BMP5: variants seen among roughly 807,000 people sequenced by gnomAD.
The protein encoded by BMP5 is bone morphogenetic protein 5.
In BMP5, 23 loss-of-function variants were observed where a neutral mutation model predicts 46.6. The observed-to-expected ratio is 0.49, with a 90% confidence interval of 0.35 to 0.70. The LOEUF is 0.70. Among genes scored for constraint, BMP5 ranks in the 30% least tolerant of loss-of-function variants. The pLI, the probability that BMP5 is intolerant of heterozygous loss-of-function variation, is 0.00. For missense variants in BMP5, 545 were observed against 565.6 expected, an observed-to-expected ratio of 0.96 and a Z score of 0.37; for synonymous variants, 204 against 191.9, an observed-to-expected ratio of 1.06 and a Z score of -0.52.
chr6:55,779,558 G>C (rs991610286), intron 3 of BMP5, among the ~76,000 whole-genome samples: 1 of 151,838 alleles, frequency 6.6e-6, no homozygotes, highest in South Asian at 2.1e-4. Context: ...CATTTAAAAC[G>C]TACAGAATTC....
At chr6:55,811,610 G>A (rs1007816933) in intron 2 of BMP5, among the ~76,000 whole-genome samples, 13 of 151,660 alleles carry the variant, frequency 8.6e-5, no homozygotes, top group Non-Finnish European at 1.6e-4. Flanking sequence ...TAGTGCTTAG[G>A]AACATTTCTT....
intron 1 of BMP5, among the ~76,000 whole-genome samples, chr6:55,836,047 T>C (rs1027442782): frequency 6.6e-6 from 1 of 152,170 alleles, no homozygotes; most frequent in Non-Finnish European, 1.5e-5. Context: ...TTTATTTAAA[T>C]GTAGGCTACC....
rs75279389 is a variant in BMP5 at position 55,836,886 on chromosome 6, A to G, written c.491-17039T>C. Among the ~76,000 whole-genome samples the G allele has an allele frequency of 9.0e-3, 1,375 of 152,306 alleles. 24 individuals are homozygous for G. Among genetic ancestry groups the G allele is most frequent in the African/African-American group, 0.032 (1,317 of 41,574 alleles). On this transcript the variant is annotated intron_variant, in intron 1 of 6. Coordinates refer to ENST00000370830, the MANE Select transcript of BMP5 (RefSeq NM_021073.4). ...TAAAACGCTTCTTAAAGTTAACTAC[A>G]GGGATATAAAAATTTTAAATCAGGC...
Position 55,874,832 on chromosome 6 carries a change from C to T in BMP5, c.34G>A (p.Val12Met). ...HLTVFLLKGI[V>M]GFLWSCWVLV... ...ACCCAGCAGCTCCAGAGGAAACCCA[C>T]AATACCCTTAAGTAAAAATACAGTC... Residue 12 changes from valine to methionine, a missense_variant, in exon 1 of 7, where the codon GTG (valine) becomes ATG (methionine). Transcript: ENST00000370830. The T allele has an allele frequency of 6.2e-7, 1 of 1,612,878 alleles. No homozygotes were observed. Among genetic ancestry groups the T allele is most frequent in the Non-Finnish European group, 8.5e-7 (1 of 1,179,470 alleles).
chr6:55,759,034 C>T lies in BMP5; in HGVS notation c.1186G>A (p.Ala396Thr), dbSNP rs753026421. The change falls in exon 6 of 7, where the codon GCC becomes ACC. Residue 396 changes from alanine (A) to threonine (T), a missense_variant. By Grantham distance (58) the Ala-to-Thr change is moderately conservative. Coordinates refer to ENST00000370830, the MANE Select transcript of BMP5 (RefSeq NM_021073.4). ...GTCTGAACTATAGCGTGGTTGGTGGCATTCATATGGGCGTTAAGTGGAAAA... is the reference window on the plus strand; with the variant it reads ...GTCTGAACTATAGCGTGGTTGGTGGTATTCATATGGGCGTTAAGTGGAAAA... ...CSFPLNAHMN[A>T]TNHAIVQTLV... The T allele has an allele frequency of 3.7e-6, 6 of 1,608,504 alleles. No individual in the cohort carries two copies. The Admixed American group carries it at 1.0e-4, about 27-fold the overall frequency.
chr6:55,832,309 C>T lies in BMP5; in HGVS notation c.491-12462G>A, dbSNP rs1776685438. Among the ~76,000 whole-genome samples the T allele has an allele frequency of 1.3e-5, 2 of 152,186 alleles. 1 individual carries two copies. The highest frequency in any genetic ancestry group is 4.1e-4 in the South Asian group (2 of 4,834). On this transcript the variant is annotated intron_variant, in intron 1 of 6. Transcript: ENST00000370830. ...ACAATGAGCCTGCAAACTGAGATTGCAGAAAAGCTCACCTCCCCTCACCAT... is the reference window on the plus strand; with the variant it reads ...ACAATGAGCCTGCAAACTGAGATTGTAGAAAAGCTCACCTCCCCTCACCAT...
At chr6:55,767,916 A>G (rs1774953916) in intron 4 of BMP5, among the ~76,000 whole-genome samples, 1 of 152,016 alleles carries the variant, frequency 6.6e-6, no homozygotes, top group African/African-American at 2.4e-5. Context: ...AAAACCTGTA[A>G]AATATATAAT....
chr6:55,795,572 T>G (rs1009003640), intron 2 of BMP5, among the ~76,000 whole-genome samples: 1 of 152,054 alleles, frequency 6.6e-6, no homozygotes, highest in Non-Finnish European at 1.5e-5. Flanking sequence ...TTTTAATAAA[T>G]CATACTTTTT....
rs899570967 is a variant in BMP5, at chr6:55,868,929, A to G, written c.490+5447T>C. On this transcript the variant is annotated intron_variant, in intron 1 of 6. Transcript: ENST00000370830. ...TTTTAAGAGATGAGCAAATGGGGAA[A>G]CCCCACGGCCCAGCCAATAAAATAT... Among the ~76,000 whole-genome samples the G allele has an allele frequency of 9.2e-5, 14 of 152,150 alleles. No homozygotes were observed. The East Asian group carries it at 2.7e-3, about 29-fold the overall frequency.
intron 4 of BMP5, among the ~76,000 whole-genome samples, chr6:55,760,762 G>C (rs1412355442): frequency 1.3e-5 from 2 of 151,930 alleles, no homozygotes; most frequent in Non-Finnish European, 2.9e-5. Flanking sequence ...ACCTGATGAA[G>C]CTCTAACATG....
rs10485074 is a variant in BMP5 at position 55,794,797 on chromosome 6, T to C, written c.684-370A>G. ...ACTGAATAGAGTCAAATGAAAGTAG[T>C]TGTTCCAGTTTGGATGAATGTGAAT... is the stretch of plus-strand genomic sequence containing the variant. On this transcript the variant is annotated intron_variant, in intron 2 of 6. Coordinates refer to ENST00000370830, the MANE Select transcript of BMP5 (RefSeq NM_021073.4). Among the ~76,000 whole-genome samples, 1,126 of 152,310 alleles carry C rather than the reference T, an allele frequency of 7.4e-3. 15 individuals are homozygous for C. The highest frequency in any genetic ancestry group is 0.026 in the African/African-American group (1,064 of 41,580).
chr6:55,806,865 CTG>C (rs775220955), intron 2 of BMP5, among the ~76,000 whole-genome samples: 11 of 152,210 alleles, frequency 7.2e-5, no homozygotes, highest in South Asian at 6.2e-4. Flanking sequence ...ATTTGGCTCT[CTG>C]CTTGTCTATT....
chr6:55,773,495 CTGTGTGTGTGTGTGTG>C (rs10555940), intron 4 of BMP5, among the ~76,000 whole-genome samples: 2 of 148,294 alleles, frequency 1.3e-5, no homozygotes, highest in African/African-American at 4.9e-5. Context: ...TGTTGAAAGA[CTGTGTGTGTGTGTGTG>C]TGTGTGTGTG....
At chr6:55,758,875 A>G in intron 6 of BMP5, 130 bp downstream of exon 6, 2 of 743,650 alleles carry the variant, frequency 2.7e-6, no homozygotes, top group East Asian at 5.5e-5. Flanking sequence ...CTTCAGCTCT[A>G]AAAAGAAACA....
Position 55,819,815 on chromosome 6 carries a change from T to A in BMP5, c.523A>T (p.Arg175Trp). Reference protein sequence around the residue: ...ERDKDFSHQRRHYKEFRFDLT... With the variant: ...ERDKDFSHQRWHYKEFRFDLT... ...TCAAATCGAAATTCTTTGTAATGCC[T>A]TCGCTGGTGAGAAAAATCCTTGTCT... The change falls in exon 2 of 7, where the codon AGG (arginine) becomes TGG (tryptophan). Residue 175 changes from arginine (R) to tryptophan (W), a missense_variant. Physicochemically the swap from Arg to Trp is moderately radical, Grantham distance 101. Coordinates refer to ENST00000370830, the MANE Select transcript of BMP5 (RefSeq NM_021073.4). The A allele has an allele frequency of 6.2e-7, 1 of 1,613,856 alleles. No homozygotes were observed. The highest frequency in any genetic ancestry group is 8.5e-7 in the Non-Finnish European group (1 of 1,179,906).
At chr6:55,816,387 A>G (rs1413211645) in intron 2 of BMP5, among the ~76,000 whole-genome samples, 1 of 152,098 alleles carries the variant, frequency 6.6e-6, no homozygotes, top group Admixed American at 6.6e-5. Context: ...AGTTTTGGCA[A>G]TATTATTAAC....
At chr6:55,860,390 T>C (rs1178105051) in intron 1 of BMP5, among the ~76,000 whole-genome samples, 1 of 152,158 alleles carries the variant, frequency 6.6e-6, no homozygotes, top group African/African-American at 2.4e-5. Flanking sequence ...TGAATATAAT[T>C]ATAGTTAAGC....
chr6:55,787,725 A>G (rs1775482182), intron 3 of BMP5, among the ~76,000 whole-genome samples: 1 of 151,686 alleles, frequency 6.6e-6, no homozygotes, highest in Non-Finnish European at 1.5e-5. Flanking sequence ...CATCCTGGGT[A>G]ATGAAATGTA....
intron 4 of BMP5, among the ~76,000 whole-genome samples, chr6:55,762,906 A>G (rs988094453): frequency 6.6e-6 from 1 of 152,110 alleles, no homozygotes; most frequent in African/African-American, 2.4e-5. Context: ...AACCGTAGAC[A>G]ATACGTAAAT....
Sources: allele counts gnomAD v4.1 joint callset (sites outside exome capture counted in the v4.1 genomes callset), GRCh38; gene constraint gnomAD v4.1.1; transcripts MANE v1.5; gene names NCBI Gene and HGNC (gene_info 2026-07-23, HGNC 2026-07-21).